The following PIBF1 variants were observed in gnomAD, a reference collection of about 807,000 sequenced individuals.
PIBF1 encodes progesterone immunomodulatory binding factor 1, also known as progesterone-induced-blocking factor 1.
PIBF1 carries 90 observed loss-of-function variants against 112.5 expected under a neutral mutation model. The observed-to-expected ratio is 0.80, with a 90% CI of 0.67 to 0.95. The LOEUF is 0.95. PIBF1 is among the 40% of genes least tolerant of loss of function. PIBF1 has a pLI of 0.00. For synonymous variants in PIBF1, 301 were observed against 288.6 expected (o/e 1.04, Z -0.44); for missense variants, 915 against 852.3 (o/e 1.07, Z -0.92).
intron 13 of PIBF1, among the ~76,000 whole-genome samples, chr13:72,927,952 TATATATACACATATATATATATATAC>T (rs1332827718): frequency 2.2e-4 from 14 of 63,508 alleles, no homozygotes; most frequent in African/African-American, 8.3e-4. Context: ...TGTGTATATA[TATATATACACATATATATATATATAC>T]ATATATATAT....
intron 9 of PIBF1, among the ~76,000 whole-genome samples, chr13:72,844,758 C>CGGATG (rs1555296165): frequency 8.0e-6 from 1 of 125,740 alleles, no homozygotes; most frequent in African/African-American, 3.2e-5. Flanking sequence ...CACACACACA[C>CGGATG]ACACACACAC....
chr13:73,014,718 T>G (rs963830413), intron 17 of PIBF1, among the ~76,000 whole-genome samples: 2 of 152,134 alleles, frequency 1.3e-5, no homozygotes, highest in African/African-American at 4.8e-5. Flanking sequence ...TTTAAGACAG[T>G]CTTGCTCTGT....
chr13:72,811,549 T>C (rs974964598), intron 5 of PIBF1, among the ~76,000 whole-genome samples: 4 of 146,736 alleles, frequency 2.7e-5, no homozygotes, highest in Non-Finnish European at 5.9e-5. Context: ...TGAGCGGAGA[T>C]CGCGCCGTTG....
At chr13:72,793,243 T>C (rs1356423271) in intron 3 of PIBF1, among the ~76,000 whole-genome samples, 1 of 152,226 alleles carries the variant, frequency 6.6e-6, no homozygotes, top group Non-Finnish European at 1.5e-5. Context: ...TATATAAAAA[T>C]GTGAATGTTT....
At chr13:72,964,213 A>T (rs2042680632) in intron 14 of PIBF1, among the ~76,000 whole-genome samples, 1 of 152,242 alleles carries the variant, frequency 6.6e-6, no homozygotes, top group African/African-American at 2.4e-5. Context: ...ACGTCACACT[A>T]AGTGAAATAA....
chr13:72,849,217 A>C (rs2038017044), intron 9 of PIBF1, among the ~76,000 whole-genome samples: 1 of 152,214 alleles, frequency 6.6e-6, no homozygotes, highest in Admixed American at 6.5e-5. Flanking sequence ...ACAGTGTTGG[A>C]ATCTAACGTT....
intron 10 of PIBF1, among the ~76,000 whole-genome samples, chr13:72,861,833 C>T (rs1292648383): frequency 7.3e-5 from 11 of 151,458 alleles, no homozygotes; most frequent in East Asian, 1.9e-4. Flanking sequence ...ATCTTTGAAG[C>T]GAAAAATATG....
chr13:72,993,101 A>G (rs763140247), intron 16 of PIBF1, among the ~76,000 whole-genome samples: 1 of 152,090 alleles, frequency 6.6e-6, no homozygotes, highest in Non-Finnish European at 1.5e-5. Context: ...TGAGAGGCCA[A>G]GGCAAGTGGA....
chr13:72,864,656 C>CA (rs1034161472), intron 10 of PIBF1, among the ~76,000 whole-genome samples: 6 of 151,788 alleles, frequency 4.0e-5, no homozygotes, highest in African/African-American at 1.5e-4. Context: ...TACCCACATC[C>CA]AAAAAAAGAC....
intron 9 of PIBF1, among the ~76,000 whole-genome samples, chr13:72,840,586 T>G (rs2037566110): frequency 1.3e-5 from 2 of 150,838 alleles, no homozygotes; most frequent in Non-Finnish European, 3.0e-5. Context: ...TGCAGTGGCG[T>G]GATCTCAGCT....
intron 17 of PIBF1, among the ~76,000 whole-genome samples, chr13:73,012,915 CAAT>C (rs1230086135): frequency 6.6e-6 from 1 of 150,898 alleles, no homozygotes; most frequent in Non-Finnish European, 1.5e-5. Context: ...ATATTTGAAA[CAAT>C]AATGACAGAA....
chr13:72,894,254 G>A (rs567468502), intron 11 of PIBF1, among the ~76,000 whole-genome samples: 5 of 152,034 alleles, frequency 3.3e-5, no homozygotes, highest in Admixed American at 3.3e-4. Flanking sequence ...GAACTTCACT[G>A]ACATGTGAAA....
At chr13:72,783,393 A>G in intron 1 of PIBF1, 30 bp from the exon 2 acceptor site, 3 of 958,360 alleles carry the variant, frequency 3.1e-6, no homozygotes, top group Non-Finnish European at 4.8e-6. Context: ...ATTTTATAGT[A>G]CATTTGAATT....
Position 72,922,862 on chromosome 13 carries a change from A to C in PIBF1, c.1730+5696A>C, listed in dbSNP as rs541118079. 3.3e-5 allele frequency among the ~76,000 whole-genome samples: 5 copies of C among 152,306 alleles called. No individual in the cohort carries two copies. In the South Asian group the frequency reaches 1.0e-3, roughly 32 times the overall value. On this transcript the variant is annotated intron_variant, in intron 13 of 17. Coordinates refer to ENST00000326291, the MANE Select transcript of PIBF1 (RefSeq NM_006346.4). ...TATTCATGATAAATTTGGAAGTGTA[A>C]GCCTATAGAAGAAACTAGCGACAGT...
intron 10 of PIBF1, among the ~76,000 whole-genome samples, chr13:72,872,995 A>G (rs1308185924): frequency 6.6e-6 from 1 of 152,192 alleles, no homozygotes; most frequent in Admixed American, 6.5e-5. Context: ...TGAACACTTA[A>G]TTTTGCTGTA....
intron 14 of PIBF1, among the ~76,000 whole-genome samples, chr13:72,952,763 G>C (rs1366148886): frequency 6.6e-6 from 1 of 151,476 alleles, no homozygotes; most frequent in East Asian, 1.9e-4. Context: ...TTGTGTGATG[G>C]CTTTCTCAGA....
chr13:72,783,959 A>G (rs1272655458), intron 2 of PIBF1, among the ~76,000 whole-genome samples: 1 of 152,158 alleles, frequency 6.6e-6, no homozygotes, highest in Non-Finnish European at 1.5e-5. Flanking sequence ...AGGATACATA[A>G]TTACAGTTGA....
At chr13:72,938,578 C>G (rs1017587580) in intron 14 of PIBF1, among the ~76,000 whole-genome samples, 1 of 152,130 alleles carries the variant, frequency 6.6e-6, no homozygotes, top group South Asian at 2.1e-4. Context: ...TGCAGATTAA[C>G]TACATTTTGT....
chr13:72,888,526 G>A (rs1380274119), intron 10 of PIBF1, among the ~76,000 whole-genome samples: 1 of 152,060 alleles, frequency 6.6e-6, no homozygotes, highest in Non-Finnish European at 1.5e-5. Context: ...GCTTGTGCAT[G>A]GGAGGCAATT....
Sources: allele counts gnomAD v4.1 joint callset (sites outside exome capture counted in the v4.1 genomes callset), GRCh38; gene constraint gnomAD v4.1.1; transcripts MANE v1.5; gene names NCBI Gene and HGNC (gene_info 2026-07-23, HGNC 2026-07-21).